Variants in CUX2 observed in about 807,000 individuals in gnomAD.
The protein encoded by CUX2 is cut like homeobox 2, also known as homeobox protein cut-like 2.
A neutral mutation model predicts 144.8 loss-of-function variants in CUX2; 40 were observed. The observed-to-expected ratio is 0.28, with a 90% CI of 0.21 to 0.36. The LOEUF is 0.36. Among genes scored for constraint, CUX2 ranks in the 10% least tolerant of loss-of-function variants. CUX2 has a pLI of 1.00. For missense variants in CUX2, 1,615 were observed against 1,994.0 expected (o/e 0.81, Z 3.62); for synonymous variants, 827 against 875.6 (o/e 0.94, Z 0.98).
intron 1 of CUX2, among the ~76,000 whole-genome samples, chr12:111,130,014 A>G (rs962181089): frequency 2.0e-5 from 3 of 152,162 alleles, no homozygotes; most frequent in Non-Finnish European, 2.9e-5. Context: ...CCTGGAATCA[A>G]TGTCAGTTCT....
At chr12:111,200,766 A>G (rs1294652674) in intron 1 of CUX2, among the ~76,000 whole-genome samples, 2 of 152,180 alleles carry the variant, frequency 1.3e-5, no homozygotes, top group Non-Finnish European at 1.5e-5. Flanking sequence ...GGGCAGGAAC[A>G]TTTAGTTCGA....
chr12:111,315,052 T>C (rs1022621955), intron 16 of CUX2, among the ~76,000 whole-genome samples: 1 of 152,046 alleles, frequency 6.6e-6, no homozygotes, highest in Admixed American at 6.6e-5. Flanking sequence ...GAGGAAAACG[T>C]TTGCTCTCCA....
In CUX2 at chr12:111,034,231, G is replaced by T; in HGVS notation, c.54G>T (p.Arg18=). 7.2e-7 allele frequency: 1 copy of T among 1,395,832 alleles called. No homozygotes were observed. The highest frequency in any genetic ancestry group is 9.6e-7 in the Non-Finnish European group (1 of 1,045,618). 86.5% of individuals were successfully genotyped at this position (1,395,832 alleles called of 1,614,324 possible). ...AATATTGGAAGCGATTTGATCTACG[G>T]CGACTCCAGGTTAGTGCGGGCAGCG... ...MFQYWKRFDL[R]RLQKELNSVA... The change falls in exon 1 of 22, where the codon CGG becomes CGT. Residue 18 remains arginine, a synonymous_variant. Transcript: ENST00000261726. This position sits in a 1 kb window ranked among gnomAD's most constrained non-coding sequence, Gnocchi z 4.2.
At chr12:111,107,401 C>A (rs77906651) in intron 1 of CUX2, among the ~76,000 whole-genome samples, 2,540 of 152,364 alleles carry the variant, frequency 0.017, 84 homozygotes, top group African/African-American at 0.057. Context: ...TTTCCTGCCT[C>A]ATCTAATCAG....
At chr12:111,244,902 A>G (rs1883204663) in intron 3 of CUX2, among the ~76,000 whole-genome samples, 1 of 152,188 alleles carries the variant, frequency 6.6e-6, no homozygotes, top group African/African-American at 2.4e-5. Flanking sequence ...CTACTCACAC[A>G]TGATTATTTC....
intron 1 of CUX2, among the ~76,000 whole-genome samples, chr12:111,076,274 C>A (rs972690108): frequency 6.6e-6 from 1 of 152,152 alleles, no homozygotes; most frequent in Non-Finnish European, 1.5e-5. Context: ...ATCTAAGGAG[C>A]AAAACAAAAC....
At chr12:111,070,393 T>TTCCTTCCTTCC (rs1871207745) in intron 1 of CUX2, among the ~76,000 whole-genome samples, 1 of 99,374 alleles carries the variant, frequency 1.0e-5, no homozygotes, top group African/African-American at 4.4e-5. Context: ...TCCTTCCTTC[T>TTCCTTCCTTCC]TTCCTTCCTT....
rs547904805 is a variant in CUX2 at position 111,069,556 on chromosome 12, G to A, written c.63+35316G>A. Among the ~76,000 whole-genome samples the A allele has an allele frequency of 1.5e-4, 23 of 151,536 alleles. No individual in the cohort carries two copies. The East Asian group carries it at 2.1e-3, about 14-fold the overall frequency. ...TGTGTGTGTGTGTGTGTGTGTGCGCGCGCGTGTGTGTGTGTTATTTTCTCA... is the reference window on the plus strand; with the variant it reads ...TGTGTGTGTGTGTGTGTGTGTGCGCACGCGTGTGTGTGTGTTATTTTCTCA... On this transcript the variant is annotated intron_variant, in intron 1 of 21. Coordinates refer to ENST00000261726, the MANE Select transcript of CUX2 (RefSeq NM_015267.4).
At chr12:111,227,028 G>A (rs1156281539) in intron 3 of CUX2, among the ~76,000 whole-genome samples, 2 of 152,200 alleles carry the variant, frequency 1.3e-5, no homozygotes, top group Non-Finnish European at 2.9e-5. Context: ...GGAGGTGGGA[G>A]ACACAAGATG....
In CUX2 at chr12:111,300,824, GC is replaced by G. The variant is rs200996616; in HGVS notation, c.753+2238del. Among the ~76,000 whole-genome samples the G allele has an allele frequency of 2.0e-5, 3 of 152,146 alleles. No homozygotes were observed. In the East Asian group the frequency reaches 5.8e-4, roughly 29 times the overall value. ...AGGCCGAGGTGGGATGATCACTTGA[GC>G]CCAGGAGTTTGAGACCAGCCTGGGA... On this transcript the variant is annotated intron_variant, in intron 9 of 21. Coordinates refer to ENST00000261726, the MANE Select transcript of CUX2 (RefSeq NM_015267.4).
intron 1 of CUX2, among the ~76,000 whole-genome samples, chr12:111,084,799 G>A (rs1035136052): frequency 1.4e-4 from 21 of 152,020 alleles, no homozygotes; most frequent in African/African-American, 4.6e-4. Flanking sequence ...CGTGGCGGGC[G>A]GGCTGGTAGA....
chr12:111,117,072 A>C (rs1379064787), intron 1 of CUX2, among the ~76,000 whole-genome samples: 2 of 152,186 alleles, frequency 1.3e-5, no homozygotes, highest in Non-Finnish European at 2.9e-5. Flanking sequence ...GAGGCATATG[A>C]TCTAGGTTGA....
chr12:111,222,257 C>T (rs1188008330), intron 3 of CUX2, among the ~76,000 whole-genome samples: 1 of 152,170 alleles, frequency 6.6e-6, no homozygotes, highest in African/African-American at 2.4e-5. Flanking sequence ...TAATTACCTT[C>T]ATTTATTACA....
chr12:111,130,901 C>T (rs1875429535), intron 1 of CUX2, among the ~76,000 whole-genome samples: 2 of 152,230 alleles, frequency 1.3e-5, no homozygotes, highest in South Asian at 2.1e-4. Flanking sequence ...TGCCTATATC[C>T]ATAAATTTAG....
intron 1 of CUX2, among the ~76,000 whole-genome samples, chr12:111,087,784 G>C (rs551875491): frequency 3.3e-5 from 5 of 152,236 alleles, no homozygotes; most frequent in African/African-American, 1.2e-4. Flanking sequence ...TGCCTGTATG[G>C]GTTTAAAAAT....
intron 1 of CUX2, among the ~76,000 whole-genome samples, chr12:111,210,264 G>A (rs1336394329): frequency 2.6e-5 from 4 of 152,128 alleles, no homozygotes; most frequent in Admixed American, 2.6e-4. Context: ...TGAAAGACCC[G>A]TGCCGATGCT....
intron 1 of CUX2, among the ~76,000 whole-genome samples, chr12:111,069,545 T>TGTATGTGTGTGC (rs1871172137): frequency 6.6e-6 from 1 of 151,482 alleles, no homozygotes; most frequent in Non-Finnish European, 1.5e-5. Context: ...TGTGTGTGTG[T>TGTATGTGTGTGC]GTGTGTGCGC....
intron 7 of CUX2, 134 bp from the exon 8 acceptor site, chr12:111,296,339 A>C: frequency 1.4e-6 from 1 of 696,528 alleles, no homozygotes; most frequent in Non-Finnish European, 2.4e-6. Flanking sequence ...TGACTGAGAG[A>C]AAGATCTCCC....
At chr12:111,168,454 G>C (rs1279334416) in intron 1 of CUX2, among the ~76,000 whole-genome samples, 2 of 152,232 alleles carry the variant, frequency 1.3e-5, no homozygotes, top group African/African-American at 2.4e-5. Context: ...GAAACAAGGA[G>C]AGACGCACTA....
Sources: allele counts gnomAD v4.1 joint callset (sites outside exome capture counted in the v4.1 genomes callset), GRCh38; gene constraint gnomAD v4.1.1; non-coding constraint Gnocchi (gnomAD v3.1); transcripts MANE v1.5; gene names NCBI Gene and HGNC (gene_info 2026-07-23, HGNC 2026-07-21).